CDC42SE2: variants seen among roughly 807,000 people sequenced by gnomAD.
CDC42SE2 encodes CDC42 small effector protein 2.
A neutral mutation model predicts 11.5 loss-of-function variants in CDC42SE2; 3 were observed. The ratio of observed to expected loss-of-function variants is 0.26; its 90% CI spans 0.12 to 0.67. The LOEUF (loss-of-function observed/expected upper bound fraction) is 0.67, where lower values mean the gene tolerates loss of function less well. Ranked by LOEUF, CDC42SE2 falls within the 30% of genes least tolerant of loss-of-function variation. The probability of loss-of-function intolerance (pLI) is 0.80; values close to 1 mark genes in which losing one functional copy is unlikely to be tolerated. For synonymous variants in CDC42SE2, 33 were observed against 34.8 expected (o/e 0.95, Z 0.18); for missense variants, 82 against 106.8 (o/e 0.77, Z 1.02).
rs991326319 is a variant in CDC42SE2 at position 131,298,319 on chromosome 5, C to T, written c.-454-17657C>T. Among the ~76,000 whole-genome samples, 5 of 151,588 alleles carry T rather than the reference C, an allele frequency of 3.3e-5. No homozygotes were observed. The Admixed American group carries it at 3.3e-4, about 10-fold the overall frequency. ...ATGGGGTTTCTCCATGTTGGTGAGT[C>T]TGGTCTTGAACTCCCGAACTCAGGT... On this transcript the variant is annotated intron_variant, in intron 1 of 4. Coordinates refer to ENST00000505065, the MANE Select transcript of CDC42SE2 (RefSeq NM_001375635.1).
chr5:131,308,945 C>G (rs1254358941), intron 1 of CDC42SE2, among the ~76,000 whole-genome samples: 2 of 150,670 alleles, frequency 1.3e-5, no homozygotes, highest in African/African-American at 2.4e-5. Context: ...ATTTCCTTCT[C>G]CTGCCTAATT....
rs566429676 is a variant in CDC42SE2, at chr5:131,369,405, CAT to C, written c.54+9859_54+9860del. ...CATTTGTGTATGTGTAGCCTGGTAA[CAT>C]GTGCCCAAGTTTTTCTAGGGTATAT... On this transcript the variant is annotated intron_variant, in intron 3 of 4. Transcript: ENST00000505065. Among the ~76,000 whole-genome samples, 1,072 of 152,284 alleles carry C rather than the reference CAT, an allele frequency of 7.0e-3. 11 individuals carry two copies. Among genetic ancestry groups the C allele is most frequent in the African/African-American group, 0.025 (1,026 of 41,554 alleles).
At chr5:131,360,701 A>G (rs1749681908) in intron 3 of CDC42SE2, among the ~76,000 whole-genome samples, 1 of 152,236 alleles carries the variant, frequency 6.6e-6, no homozygotes, top group Non-Finnish European at 1.5e-5. Context: ...GGCTGGCTGA[A>G]CAAATGAATT....
chr5:131,243,647 G>A (rs1756557681), upstream of CDC42SE2, among the ~76,000 whole-genome samples: 1 of 152,164 alleles, frequency 6.6e-6, no homozygotes, highest in Admixed American at 6.6e-5. Flanking sequence ...TTTGCACAGG[G>A]CCCTACAAAT....
the CDC42SE2 span, among the ~76,000 whole-genome samples, chr5:131,219,655 G>A: frequency 3.4e-4 from 52 of 152,282 alleles, no homozygotes; most frequent in African/African-American, 1.1e-3. Flanking sequence ...CAGAAAAAGA[G>A]GCGAGGCATG....
chr5:131,336,293 T>A lies in CDC42SE2; in HGVS notation c.-286+20149T>A, dbSNP rs576039580. On this transcript the variant is annotated intron_variant, in intron 2 of 4. Coordinates refer to ENST00000505065, the MANE Select transcript of CDC42SE2 (RefSeq NM_001375635.1). ...CTTAATTCTTTAAGAATGTTGAATA[T>A]TGTCCCCCACTCTCTTCTGGCTTAT... Among the ~76,000 whole-genome samples the A allele has an allele frequency of 1.1e-4, 16 of 152,368 alleles. No individual in the cohort carries two copies. In the South Asian group the frequency reaches 2.7e-3, roughly 26 times the overall value.
At chr5:131,333,876 G>A (rs1451202153) in intron 2 of CDC42SE2, among the ~76,000 whole-genome samples, 1 of 152,102 alleles carries the variant, frequency 6.6e-6, no homozygotes, top group Non-Finnish European at 1.5e-5. Flanking sequence ...GAGATGATGG[G>A]GTTTTCTAGA....
Position 131,364,266 on chromosome 5 carries a change from G to A in CDC42SE2, c.54+4719G>A, listed in dbSNP as rs1749791219. ...AAATGGGGATATGAATTTAAATAGT[G>A]TGTTCAGGGAAGGCCTCTCAGATTA... On this transcript the variant is annotated intron_variant, in intron 3 of 4. Coordinates refer to ENST00000505065, the MANE Select transcript of CDC42SE2 (RefSeq NM_001375635.1). 2.6e-5 allele frequency among the ~76,000 whole-genome samples: 4 copies of A among 152,230 alleles called. No homozygotes were observed. The South Asian group carries it at 6.2e-4, about 24-fold the overall frequency.
chr5:131,379,446 A>T (rs1452355211), intron 3 of CDC42SE2, among the ~76,000 whole-genome samples: 1 of 152,216 alleles, frequency 6.6e-6, no homozygotes, highest in Non-Finnish European at 1.5e-5. Context: ...GTTGATCCAT[A>T]TGCCAGAAAT....
chr5:131,352,071 A>G (rs1002159460), intron 2 of CDC42SE2, among the ~76,000 whole-genome samples: 1 of 152,200 alleles, frequency 6.6e-6, no homozygotes, highest in Non-Finnish European at 1.5e-5. Context: ...GAAAAGTGCA[A>G]ATTTAAACCA....
intron 2 of CDC42SE2, among the ~76,000 whole-genome samples, chr5:131,348,585 C>G (rs911012587): frequency 1.3e-5 from 2 of 152,120 alleles, no homozygotes; most frequent in African/African-American, 2.4e-5. Flanking sequence ...TGTATAGATT[C>G]AATGCCATCC....
At chr5:131,312,017 G>A (rs374765937) in intron 1 of CDC42SE2, among the ~76,000 whole-genome samples, 12 of 152,202 alleles carry the variant, frequency 7.9e-5, no homozygotes, top group East Asian at 3.9e-4. Context: ...GAGGAGAGGC[G>A]CTCTGCTTTT....
the CDC42SE2 span, among the ~76,000 whole-genome samples, chr5:131,216,509 A>AAACAAAC: frequency 1.5e-5 from 2 of 133,128 alleles, no homozygotes; most frequent in African/African-American, 5.5e-5. Context: ...CTCAAAAAAA[A>AAACAAAC]AAAAAAAAAA....
At chr5:131,311,026 CT>C (rs1002209243) in intron 1 of CDC42SE2, among the ~76,000 whole-genome samples, 250 of 150,760 alleles carry the variant, frequency 1.7e-3, no homozygotes, top group African/African-American at 5.8e-3. Flanking sequence ...GATGCAGTTT[CT>C]TCCTAGTCTG....
chr5:131,337,695 C>T (rs983215202), intron 2 of CDC42SE2, among the ~76,000 whole-genome samples: 7 of 152,252 alleles, frequency 4.6e-5, no homozygotes, highest in Non-Finnish European at 7.3e-5. Flanking sequence ...AGCCTCGCTG[C>T]TACTTTGCAG....
At chr5:131,373,165 T>G (rs1203080683) in intron 3 of CDC42SE2, among the ~76,000 whole-genome samples, 1 of 152,030 alleles carries the variant, frequency 6.6e-6, no homozygotes, top group Non-Finnish European at 1.5e-5. Context: ...TTGGACTGGG[T>G]TTATATGTAT....
intron 1 of CDC42SE2, among the ~76,000 whole-genome samples, chr5:131,287,717 G>A (rs920315157): frequency 6.6e-6 from 1 of 151,550 alleles, no homozygotes; most frequent in Admixed American, 6.6e-5. Context: ...CCAGTGATCC[G>A]CCCTCTTCGG....
chr5:131,242,633 C>T (rs1756548636), upstream of CDC42SE2, among the ~76,000 whole-genome samples: 2 of 152,102 alleles, frequency 1.3e-5, no homozygotes, highest in Non-Finnish European at 2.9e-5. Flanking sequence ...GCAGCCACCA[C>T]CTATACGACA....
At chr5:131,223,084 G>T in the CDC42SE2 span, among the ~76,000 whole-genome samples, 1 of 152,154 alleles carries the variant, frequency 6.6e-6, no homozygotes, top group African/African-American at 2.4e-5. Flanking sequence ...TAGCTAATTT[G>T]ACTCATCATC....
Sources: gnomAD v4.1 joint callset for allele counts (sites outside exome capture counted in the v4.1 genomes callset) on GRCh38, gnomAD v4.1.1 for gene constraint, MANE v1.5 for transcripts, NCBI Gene and HGNC (gene_info 2026-07-23, HGNC 2026-07-21) for gene names.